RAB38: variants seen among roughly 807,000 people sequenced by gnomAD.
RAB38 encodes the protein ras-related protein Rab-38.
In RAB38, 15 loss-of-function variants were observed where a neutral mutation model predicts 18.4. The ratio of observed to expected loss-of-function variants is 0.82; its 90% CI spans 0.55 to 1.26. The LOEUF (loss-of-function observed/expected upper bound fraction) is 1.26, where lower values mean the gene tolerates loss of function less well. Ranked by LOEUF, RAB38 falls within the 50% of genes most tolerant of loss-of-function variation. RAB38 has a pLI of 0.00. For synonymous variants in RAB38, 101 were observed against 104.4 expected (o/e 0.97, Z 0.20); for missense variants, 294 against 267.4 (o/e 1.10, Z -0.69).
intron 1 of RAB38, among the ~76,000 whole-genome samples, chr11:88,153,838 C>A (rs923668676): frequency 6.6e-6 from 1 of 152,068 alleles, no homozygotes; most frequent in Admixed American, 6.6e-5. Flanking sequence ...CAAGATAGTA[C>A]ATTAGAGCCT....
chr11:88,151,237 G>T (rs1943060600), intron 1 of RAB38, among the ~76,000 whole-genome samples: 1 of 152,280 alleles, frequency 6.6e-6, no homozygotes, highest in African/African-American at 2.4e-5. Context: ...TATATGCAAA[G>T]CACCCAGCAT....
At chr11:88,007,246 T>C in the RAB38 span, among the ~76,000 whole-genome samples, 4 of 152,036 alleles carry the variant, frequency 2.6e-5, no homozygotes, top group Non-Finnish European at 5.9e-5. Flanking sequence ...GTGCAAAGAT[T>C]TCTTAGTACA....
the RAB38 span, among the ~76,000 whole-genome samples, chr11:87,873,922 G>GTGTGTGTA: frequency 3.9e-5 from 4 of 103,120 alleles, no homozygotes; most frequent in African/African-American, 1.5e-4. Context: ...GTGTGTGTGT[G>GTGTGTGTA]TATATATATA....
the RAB38 span, among the ~76,000 whole-genome samples, chr11:87,901,754 A>G: frequency 6.6e-6 from 1 of 151,606 alleles, no homozygotes; most frequent in Non-Finnish European, 1.5e-5. Flanking sequence ...TAAAAGTGTC[A>G]TTCCATTATA....
At chr11:88,105,726 A>T in the RAB38 span, among the ~76,000 whole-genome samples, 1 of 152,188 alleles carries the variant, frequency 6.6e-6, no homozygotes, top group Non-Finnish European at 1.5e-5. Flanking sequence ...TTCAGCTTGG[A>T]TCACAAGCAC....
At position 88,164,260 on chromosome 11, in the gene RAB38, G is replaced by T. The variant is rs1048290027; in HGVS notation, c.202+10923C>A. On this transcript the variant is annotated intron_variant, in intron 1 of 2. Coordinates refer to ENST00000243662, the MANE Select transcript of RAB38 (RefSeq NM_022337.3). Reference sequence around the variant, plus strand: ...AAATATATGCCAAGGTGCTCTCGGTGGGGGGGGGTGCCATGGTGAACTCAC... The same window carrying T: ...AAATATATGCCAAGGTGCTCTCGGTTGGGGGGGGTGCCATGGTGAACTCAC... 5.4e-5 allele frequency among the ~76,000 whole-genome samples: 7 copies of T among 128,642 alleles called. 1 individual carries two copies. The highest frequency in any genetic ancestry group is 1.0e-4 in the Non-Finnish European group (6 of 59,210). The allele number at this position is 128,642 out of a possible 152,430, so 84.4% of individuals were successfully genotyped here. A position where few individuals can be genotyped will look rare whatever the true frequency, so the allele number is the denominator to read the frequency against.
the RAB38 span, among the ~76,000 whole-genome samples, chr11:88,077,864 AC>A: frequency 6.6e-6 from 1 of 152,078 alleles, no homozygotes; most frequent in Non-Finnish European, 1.5e-5. Context: ...AGAGGTGATA[AC>A]CCACTGAATG....
the RAB38 span, among the ~76,000 whole-genome samples, chr11:88,017,979 C>A: frequency 1.3e-5 from 2 of 151,838 alleles, no homozygotes; most frequent in African/African-American, 2.4e-5. Flanking sequence ...GGGGAGTTTC[C>A]CTGCACAAGC....
At chr11:88,005,425 C>G in the RAB38 span, among the ~76,000 whole-genome samples, 1 of 151,094 alleles carries the variant, frequency 6.6e-6, no homozygotes, top group East Asian at 1.9e-4. Flanking sequence ...AACTGGAAAC[C>G]CATTTTAAAA....
chr11:88,149,789 A>G lies in RAB38; in HGVS notation c.369T>C (p.Val123=). ...CCTGGTCACATTTGTTGGCCAACAA[A>G]ACCACTGAAACCGGTTTGCCATTAG... ...SLPNGKPVSV[V]LLANKCDQGK... Residue 123 remains valine, a synonymous_variant, in exon 2 of 3, where the codon GTT becomes GTC. Transcript: ENST00000243662. The G allele has an allele frequency of 6.2e-7, 1 of 1,614,124 alleles. No homozygotes were observed. The highest frequency in any genetic ancestry group is 8.5e-7 in the Non-Finnish European group (1 of 1,180,026).
chr11:88,041,833 G>T, the RAB38 span, among the ~76,000 whole-genome samples: 2 of 152,172 alleles, frequency 1.3e-5, no homozygotes, highest in African/African-American at 4.8e-5. Context: ...TGCGACTGTG[G>T]TATGTATGAC....
At chr11:87,894,250 C>T in the RAB38 span, among the ~76,000 whole-genome samples, 11 of 151,434 alleles carry the variant, frequency 7.3e-5, no homozygotes, top group Non-Finnish European at 1.6e-4. Flanking sequence ...AATAAGAGGG[C>T]CAATCAGTAA....
At chr11:87,862,524 A>C in the RAB38 span, among the ~76,000 whole-genome samples, 19 of 151,948 alleles carry the variant, frequency 1.3e-4, no homozygotes, top group African/African-American at 4.1e-4. Flanking sequence ...AGAGGGTGGG[A>C]GGAGGGAGAG....
chr11:88,151,919 T>C (rs1943066814), intron 1 of RAB38, among the ~76,000 whole-genome samples: 1 of 152,210 alleles, frequency 6.6e-6, no homozygotes, highest in Non-Finnish European at 1.5e-5. Flanking sequence ...ATGACAATCT[T>C]ACAGTATTTC....
At chr11:88,128,882 G>C (rs1406837424) in intron 2 of RAB38, among the ~76,000 whole-genome samples, 1 of 152,314 alleles carries the variant, frequency 6.6e-6, no homozygotes, top group African/African-American at 2.4e-5. Context: ...ACAGTATGTA[G>C]GAGTGGCAAC....
chr11:88,055,766 A>AT, the RAB38 span, among the ~76,000 whole-genome samples: 1 of 152,232 alleles, frequency 6.6e-6, no homozygotes, highest in Admixed American at 6.5e-5. Context: ...AAGGAAAACG[A>AT]AAGATGAACA....
the RAB38 span, among the ~76,000 whole-genome samples, chr11:88,032,690 C>T: frequency 2.6e-5 from 4 of 152,146 alleles, no homozygotes; most frequent in Admixed American, 2.6e-4. Context: ...CCATCTCACA[C>T]CAGTTAGAAT....
At chr11:87,952,478 C>A in the RAB38 span, among the ~76,000 whole-genome samples, 2 of 152,160 alleles carry the variant, frequency 1.3e-5, no homozygotes, top group African/African-American at 4.8e-5. Context: ...AACTTCCTCC[C>A]TGTTTAACTT....
At chr11:88,020,103 G>A in the RAB38 span, among the ~76,000 whole-genome samples, 3 of 152,242 alleles carry the variant, frequency 2.0e-5, no homozygotes, top group East Asian at 1.9e-4. Flanking sequence ...TTCTCTAACT[G>A]AAGATATTGA....
Sources: allele counts gnomAD v4.1 joint callset (sites outside exome capture counted in the v4.1 genomes callset), GRCh38; gene constraint gnomAD v4.1.1; transcripts MANE v1.5; gene names NCBI Gene and HGNC (gene_info 2026-07-23, HGNC 2026-07-21).